Variants in TNFRSF19 observed in about 807,000 individuals in gnomAD.
TNFRSF19 encodes the protein tumor necrosis factor receptor superfamily member 19.
Under a neutral mutation model 46.4 loss-of-function variants are expected in TNFRSF19, and 27 were observed. That is an observed-to-expected ratio of 0.58 (90% CI 0.43 to 0.80). TNFRSF19 has a LOEUF of 0.80. Among genes scored for constraint, TNFRSF19 ranks in the 30% least tolerant of loss-of-function variants. TNFRSF19 has a pLI of 0.00. For missense variants in TNFRSF19, 511 were observed against 530.8 expected (o/e 0.96, Z 0.37); for synonymous variants, 204 against 205.0 (o/e 1.00, Z 0.04).
chr13:23,576,841 G>A (rs561614536), intron 1 of TNFRSF19, among the ~76,000 whole-genome samples: 8 of 152,222 alleles, frequency 5.3e-5, no homozygotes, highest in Non-Finnish European at 8.8e-5. Context: ...AAAATCCATG[G>A]ATGTGGAGGG....
chr13:23,615,957 C>G lies in TNFRSF19; in HGVS notation c.271C>G (p.Pro91Ala), dbSNP rs749353136. ...KEDWGFQKCK[P>A]CLDCAVVNRF... Reference sequence around the variant, plus strand: ...GGACTGGGGCTTCCAGAAATGCAAGCCCTGTCTGGACTGCGCAGTGGTGAA... The same window carrying G: ...GGACTGGGGCTTCCAGAAATGCAAGGCCTGTCTGGACTGCGCAGTGGTGAA... The change falls in exon 4 of 10, where the codon CCC (proline) becomes GCC (alanine). Residue 91 changes from proline (P) to alanine (A), a missense_variant. Coordinates refer to ENST00000248484, the MANE Select transcript of TNFRSF19 (RefSeq NM_148957.4). 21 of 1,613,794 alleles carry G rather than the reference C, an allele frequency of 1.3e-5. No homozygotes were observed. The South Asian group carries it at 2.2e-4, about 17-fold the overall frequency.
intron 1 of TNFRSF19, among the ~76,000 whole-genome samples, chr13:23,576,472 T>C (rs1249695933): frequency 6.6e-6 from 1 of 152,094 alleles, no homozygotes; most frequent in East Asian, 1.9e-4. Context: ...CTCAATTGTG[T>C]GCCTGAGTTT....
rs1048181267 is a variant in TNFRSF19 at position 23,675,601 on chromosome 13, C to T, written c.*2221C>T. ...ATACAACAATGTTATATTTTACACTCCTTGGAAACATTTGAGGAAAAAAAT... is the reference window on the plus strand; with the variant it reads ...ATACAACAATGTTATATTTTACACTTCTTGGAAACATTTGAGGAAAAAAAT... On this transcript the variant is annotated 3_prime_UTR_variant, in exon 10 of 10. Coordinates refer to ENST00000248484, the MANE Select transcript of TNFRSF19 (RefSeq NM_148957.4). 3.3e-5 allele frequency: 5 copies of T among 152,168 alleles called. No homozygotes were observed. The allele number at this position is 152,168 out of a possible 1,614,324, so 9.4% of individuals were successfully genotyped here.
At chr13:23,592,296 G>A (rs1040693419) in intron 2 of TNFRSF19, among the ~76,000 whole-genome samples, 1 of 152,136 alleles carries the variant, frequency 6.6e-6, no homozygotes, top group African/African-American at 2.4e-5. Flanking sequence ...CGCGTCAGTA[G>A]CACTATTCAG....
At chr13:23,621,180 T>C (rs763518218) in intron 4 of TNFRSF19, among the ~76,000 whole-genome samples, 3 of 152,198 alleles carry the variant, frequency 2.0e-5, no homozygotes, top group Non-Finnish European at 4.4e-5. Flanking sequence ...CCCTTGCTCC[T>C]GGAAGCTGCC....
intron 5 of TNFRSF19, among the ~76,000 whole-genome samples, chr13:23,640,417 A>G (rs947839055): frequency 2.6e-5 from 4 of 152,232 alleles, no homozygotes; most frequent in African/African-American, 9.6e-5. Flanking sequence ...GTGCTACTAC[A>G]GCCTTCCTCG....
At chr13:23,669,593 A>G (rs1018514350) in intron 9 of TNFRSF19, 110 of 984,838 alleles carry the variant, frequency 1.1e-4, no homozygotes, top group Non-Finnish European at 1.3e-4. Context: ...GCTTTACCGG[A>G]TTGATTGATT....
At chr13:23,630,324 A>AAT (rs11465098) in intron 5 of TNFRSF19, among the ~76,000 whole-genome samples, 2 of 146,966 alleles carry the variant, frequency 1.4e-5, no homozygotes, top group Non-Finnish European at 3.0e-5. Context: ...AAAAAAAAAA[A>AAT]GGGTAAAAAA....
intron 3 of TNFRSF19, among the ~76,000 whole-genome samples, chr13:23,598,280 A>T (rs1411151392): frequency 6.6e-6 from 1 of 152,184 alleles, no homozygotes; most frequent in African/African-American, 2.4e-5. Flanking sequence ...GAAATACCTA[A>T]TGTGGATGAT....
intron 3 of TNFRSF19, among the ~76,000 whole-genome samples, chr13:23,603,052 C>T (rs1273187892): frequency 6.6e-6 from 1 of 151,864 alleles, no homozygotes; most frequent in Non-Finnish European, 1.5e-5. Context: ...TGAAGAATCA[C>T]CAAAAGGTGA....
chr13:23,592,374 A>G (rs796358435), intron 2 of TNFRSF19, among the ~76,000 whole-genome samples: 112 of 152,314 alleles, frequency 7.4e-4, no homozygotes, highest in African/African-American at 2.6e-3. Context: ...TGCTAATACC[A>G]GCATTACTCA....
intron 4 of TNFRSF19, among the ~76,000 whole-genome samples, chr13:23,622,259 T>G (rs906396087): frequency 1.8e-5 from 2 of 111,298 alleles, no homozygotes; most frequent in Non-Finnish European, 4.3e-5. Context: ...AAAAACAAAA[T>G]TAGCTGGGCA....
chr13:23,625,770 T>C (rs1191071842), intron 4 of TNFRSF19, among the ~76,000 whole-genome samples: 1 of 152,150 alleles, frequency 6.6e-6, no homozygotes, highest in East Asian at 1.9e-4. Context: ...AAAGTGGCAG[T>C]TTATGTTCCC....
intron 1 of TNFRSF19, among the ~76,000 whole-genome samples, chr13:23,575,576 C>T (rs1451615208): frequency 1.3e-5 from 2 of 152,146 alleles, no homozygotes; most frequent in African/African-American, 2.4e-5. Context: ...GGGGTTCCTC[C>T]TCCACTTATT....
At chr13:23,651,866 T>TAAAAA (rs1883663329) in intron 5 of TNFRSF19, among the ~76,000 whole-genome samples, 1 of 36,956 alleles carries the variant, frequency 2.7e-5, no homozygotes, top group Non-Finnish European at 5.5e-5. Context: ...TTTTTTACTC[T>TAAAAA]AAATGGTTGG....
At chr13:23,650,090 A>C (rs775847562) in intron 5 of TNFRSF19, among the ~76,000 whole-genome samples, 1 of 152,172 alleles carries the variant, frequency 6.6e-6, no homozygotes, top group Non-Finnish European at 1.5e-5. Context: ...GTAAATCCCT[A>C]CAGGAATTGA....
At chr13:23,607,795 G>A (rs1368279364) in intron 3 of TNFRSF19, among the ~76,000 whole-genome samples, 2 of 152,020 alleles carry the variant, frequency 1.3e-5, no homozygotes, top group Non-Finnish European at 2.9e-5. Context: ...CTAAAATAAC[G>A]CACTCTGGGT....
intron 5 of TNFRSF19, among the ~76,000 whole-genome samples, chr13:23,640,291 G>A (rs956065851): frequency 1.3e-5 from 2 of 152,222 alleles, no homozygotes; most frequent in Admixed American, 1.3e-4. Context: ...ATCAATTTTA[G>A]TAACCAAACA....
At chr13:23,651,169 T>C (rs1192555166) in intron 5 of TNFRSF19, among the ~76,000 whole-genome samples, 1 of 152,238 alleles carries the variant, frequency 6.6e-6, no homozygotes, top group Non-Finnish European at 1.5e-5. Context: ...GTTTTAATTT[T>C]GTTAAACTTT....
Sources: allele counts gnomAD v4.1 joint callset (sites outside exome capture counted in the v4.1 genomes callset), GRCh38; gene constraint gnomAD v4.1.1; transcripts MANE v1.5; gene names NCBI Gene and HGNC (gene_info 2026-07-23, HGNC 2026-07-21).